Variants in PIAS1 observed in about 807,000 individuals in gnomAD.
PIAS1 encodes the protein E3 SUMO-protein ligase PIAS1.
Under a neutral mutation model 71.3 loss-of-function variants are expected in PIAS1, and 6 were observed. That is an observed-to-expected ratio of 0.08 (90% CI 0.05 to 0.17). The LOEUF (loss-of-function observed/expected upper bound fraction) is 0.17, where lower values mean the gene tolerates loss of function less well. PIAS1 is among the 10% of genes least tolerant of loss of function. The probability of loss-of-function intolerance (pLI) is 1.00; values close to 1 mark genes in which losing one functional copy is unlikely to be tolerated. For synonymous variants in PIAS1, 303 were observed against 292.9 expected (o/e 1.03, Z -0.35); for missense variants, 555 against 793.6 (o/e 0.70, Z 3.61).
chr15:68,165,115 T>A (rs775712330), intron 8 of PIAS1, among the ~76,000 whole-genome samples: 15 of 152,174 alleles, frequency 9.9e-5, no homozygotes, highest in African/African-American at 3.6e-4. Flanking sequence ...TTACATTATT[T>A]ATTTTTATTA....
intron 7 of PIAS1, among the ~76,000 whole-genome samples, chr15:68,163,290 T>C (rs1414471157): frequency 6.6e-6 from 1 of 152,232 alleles, no homozygotes; most frequent in Admixed American, 6.5e-5. Context: ...TTATATATGG[T>C]ATTCATTAGC....
Position 68,173,936 on chromosome 15 carries a change from A to G in PIAS1, c.1169+44A>G. ...TTTTGGTACCTTGAAATGACCATATATTATCTGGGTTTGTTACACATCAGA... is the reference window on the plus strand; with the variant it reads ...TTTTGGTACCTTGAAATGACCATATGTTATCTGGGTTTGTTACACATCAGA... On this transcript the variant is annotated intron_variant, in intron 9 of 13. Coordinates refer to ENST00000249636, the MANE Select transcript of PIAS1 (RefSeq NM_016166.3). This position sits in a 1 kb window ranked among gnomAD's most constrained non-coding sequence, Gnocchi z 4.3. 8 of 1,269,322 alleles carry G rather than the reference A, an allele frequency of 6.3e-6. No homozygotes were observed. The highest frequency in any genetic ancestry group is 3.0e-5 in the African/African-American group (2 of 66,362). 78.6% of individuals were successfully genotyped at this position (1,269,322 alleles called of 1,614,324 possible). A position where few individuals can be genotyped will look rare whatever the true frequency, so the allele number is the denominator to read the frequency against.
At chr15:68,071,872 T>C (rs1360874937) in intron 1 of PIAS1, among the ~76,000 whole-genome samples, 1 of 151,518 alleles carries the variant, frequency 6.6e-6, no homozygotes, top group Non-Finnish European at 1.5e-5. Context: ...TGCTTGAGCC[T>C]GGGAGGTCAA....
intron 1 of PIAS1, among the ~76,000 whole-genome samples, chr15:68,067,764 T>G (rs1394865653): frequency 1.3e-5 from 2 of 152,136 alleles, no homozygotes; most frequent in Non-Finnish European, 2.9e-5. Context: ...TAGAAAAATG[T>G]GTAACTTATA....
At chr15:68,059,125 C>G (rs1470592983) in intron 1 of PIAS1, among the ~76,000 whole-genome samples, 1 of 151,018 alleles carries the variant, frequency 6.6e-6, no homozygotes, top group South Asian at 2.1e-4. Context: ...CTGCCTCAGC[C>G]TTCGGTGTAG....
rs1389366971 is a variant in PIAS1, at chr15:68,086,228, G to T, written c.25-78G>T. 13 of 969,642 alleles carry T rather than the reference G, an allele frequency of 1.3e-5. No individual in the cohort carries two copies. In the South Asian group the frequency reaches 1.4e-4, roughly 11 times the overall value. The allele number at this position is 969,642 out of a possible 1,614,324, so 60.1% of individuals were successfully genotyped here. On this transcript the variant is annotated intron_variant, in intron 1 of 13. Coordinates refer to ENST00000249636, the MANE Select transcript of PIAS1 (RefSeq NM_016166.3). This position sits in a 1 kb window ranked among gnomAD's most constrained non-coding sequence, Gnocchi z 7.2. Reference sequence around the variant, plus strand: ...TGCTTAAGTAAACCATAAGAAGGGGGTTATAATAAAGTGTCATTTAATAGT... The same window carrying T: ...TGCTTAAGTAAACCATAAGAAGGGGTTTATAATAAAGTGTCATTTAATAGT...
rs983495745 is a variant in PIAS1, at chr15:68,189,785, A to G, written c.*1950A>G. The stretch of plus-strand genomic sequence containing the variant: ...TGCAATAAAAAAAAAACCAAAACAG[A>G]TTGTCAGTTAACCAGGAAACAGTTA... On this transcript the variant is annotated 3_prime_UTR_variant, in exon 14 of 14. Coordinates refer to ENST00000249636, the MANE Select transcript of PIAS1 (RefSeq NM_016166.3). 6.6e-5 allele frequency: 10 copies of G among 152,090 alleles called. No homozygotes were observed. Among genetic ancestry groups the G allele is most frequent in the Admixed American group, 6.5e-4 (10 of 15,270 alleles). The allele number at this position is 152,090 out of a possible 1,614,324, so 9.4% of individuals were successfully genotyped here.
chr15:68,073,998 A>G (rs2092129524), intron 1 of PIAS1, among the ~76,000 whole-genome samples: 1 of 152,166 alleles, frequency 6.6e-6, no homozygotes, highest in Non-Finnish European at 1.5e-5. Context: ...AAGATGGTGT[A>G]GCAGCTTCTG....
chr15:68,057,339 AGGAGGGT>A (rs2140949124), intron 1 of PIAS1: 1 of 287,774 alleles, frequency 3.5e-6, no homozygotes, highest in African/African-American at 2.3e-5. Context: ...ACTTAGAAGC[AGGAGGGT>A]GTGATGGCCA....
chr15:68,181,426 G>A, intron 12 of PIAS1, 72 bp downstream of exon 12: 1 of 1,449,902 alleles, frequency 6.9e-7, no homozygotes, highest in Non-Finnish European at 9.6e-7. Context: ...TCTCTTCTAG[G>A]TGAATCTAAG....
chr15:68,093,607 G>A (rs1014405214), intron 2 of PIAS1, among the ~76,000 whole-genome samples: 7 of 152,138 alleles, frequency 4.6e-5, no homozygotes, highest in African/African-American at 1.4e-4. Flanking sequence ...TATTTTGTGG[G>A]GGAACAACAT....
chr15:68,057,444 ACT>A (rs1437786131), intron 1 of PIAS1: 1 of 420,824 alleles, frequency 2.4e-6, no homozygotes, highest in African/African-American at 2.1e-5. Context: ...TTGGAGTAAA[ACT>A]CAAACCAAGT....
Position 68,186,008 on chromosome 15 carries a change from AG to A in PIAS1, c.1663-1532del. 6.6e-6 allele frequency among the ~76,000 whole-genome samples: 1 copy of A among 152,066 alleles called. No individual in the cohort carries two copies. The highest frequency in any genetic ancestry group is 2.4e-5 in the African/African-American group (1 of 41,486). ...AAAAAACATGGGCCCTAACAATGAA[AG>A]GTTTTCATTAATAGAGAGGAATGTT... On this transcript the variant is annotated intron_variant, in intron 13 of 13. Coordinates refer to ENST00000249636, the MANE Select transcript of PIAS1 (RefSeq NM_016166.3). This position sits in a 1 kb window ranked among gnomAD's most constrained non-coding sequence, Gnocchi z 4.4.
chr15:68,144,218 C>T (rs181696173), intron 4 of PIAS1, among the ~76,000 whole-genome samples: 6 of 152,002 alleles, frequency 3.9e-5, no homozygotes, highest in East Asian at 1.9e-4. Context: ...CCCTGCCCCA[C>T]GTTGCTAGGT....
Position 68,190,216 on chromosome 15 carries a change from C to G in PIAS1, c.*2381C>G, listed in dbSNP as rs955459827. ...CAGGTAATAGGGAGAAATAAACATA[C>G]GGTGGTTTCAGTGGTTTTGGTCATG... On this transcript the variant is annotated 3_prime_UTR_variant, in exon 14 of 14. Coordinates refer to ENST00000249636, the MANE Select transcript of PIAS1 (RefSeq NM_016166.3). The surrounding 1 kb of genome is among the most constrained non-coding windows in gnomAD (Gnocchi z 4.7). 6.6e-6 allele frequency: 1 copy of G among 152,122 alleles called. No homozygotes were observed. Among genetic ancestry groups the G allele is most frequent in the African/African-American group, 2.4e-5 (1 of 41,404 alleles). The allele number at this position is 152,122 out of a possible 1,614,324, so 9.4% of individuals were successfully genotyped here. A position where few individuals can be genotyped will look rare whatever the true frequency, so the allele number is the denominator to read the frequency against.
In PIAS1 at chr15:68,141,938, T is replaced by G. The variant is rs200194874; in HGVS notation, c.470-8T>G. 3,466 of 1,583,410 alleles carry G rather than the reference T, an allele frequency of 2.2e-3. 9 individuals carry two copies. Among genetic ancestry groups the G allele is most frequent in the Non-Finnish European group, 2.8e-3 (3,233 of 1,159,938 alleles). On this transcript the variant is annotated splice_region_variant and splice_polypyrimidine_tract_variant and intron_variant, in intron 2 of 13. Transcript: ENST00000249636. ...GGTAATTGAAAGTATAATTCTTGTC[T>G]TCTTTAGCATCAGACAACAGTCAGC... is the stretch of plus-strand genomic sequence containing the variant.
At chr15:68,060,100 G>A (rs1263537113) in intron 1 of PIAS1, among the ~76,000 whole-genome samples, 1 of 152,122 alleles carries the variant, frequency 6.6e-6, no homozygotes, top group Non-Finnish European at 1.5e-5. Context: ...GTTTGATAAA[G>A]TATGAAATCG....
At chr15:68,112,104 C>G (rs2092527806) in intron 2 of PIAS1, among the ~76,000 whole-genome samples, 1 of 152,108 alleles carries the variant, frequency 6.6e-6, no homozygotes, top group African/African-American at 2.4e-5. Flanking sequence ...ATACCTTATG[C>G]CCATGTGCCT....
At chr15:68,159,108 G>C (rs1411724481) in intron 7 of PIAS1, among the ~76,000 whole-genome samples, 1 of 152,118 alleles carries the variant, frequency 6.6e-6, no homozygotes, top group African/African-American at 2.4e-5. Context: ...CTTTATTATA[G>C]TCATATAATA....
Sources: allele counts gnomAD v4.1 joint callset (sites outside exome capture counted in the v4.1 genomes callset), GRCh38; gene constraint gnomAD v4.1.1; non-coding constraint Gnocchi (gnomAD v3.1); transcripts MANE v1.5; gene names NCBI Gene and HGNC (gene_info 2026-07-23, HGNC 2026-07-21).